CPSF7: variants seen among roughly 807,000 people sequenced by gnomAD.
The protein encoded by CPSF7 is cleavage and polyadenylation specific factor 7, also known as cleavage and polyadenylation specificity factor subunit 7.
Under a neutral mutation model 44.3 loss-of-function variants are expected in CPSF7, and 1 was observed. The ratio of observed to expected loss-of-function variants is 0.02; its 90% confidence interval spans 0.01 to 0.11. The LOEUF (loss-of-function observed/expected upper bound fraction) is 0.11. CPSF7 is among the 10% of genes least tolerant of loss of function. CPSF7 has a pLI of 1.00. For synonymous variants in CPSF7, 202 were observed against 222.0 expected (o/e 0.91, Z 0.80); for missense variants, 443 against 607.2 (o/e 0.73, Z 2.84).
At chr11:61,421,224 C>T (rs757886529) in intron 3 of CPSF7, 166 bp downstream of exon 3, 1 of 1,037,412 alleles carries the variant, frequency 9.6e-7, no homozygotes, top group South Asian at 1.4e-5. Context: ...CCAGTACGTC[C>T]TCAGGATAGT....
At chr11:61,420,838 G>A (rs772184898) in intron 3 of CPSF7, 1 of 533,010 alleles carries the variant, frequency 1.9e-6, no homozygotes, top group East Asian at 3.5e-5. Flanking sequence ...CTGGTCATCA[G>A]TTCAAACATT....
chr11:61,429,284 G>A lies in CPSF7; in HGVS notation c.-49C>T, dbSNP rs1861699661. On this transcript the variant is annotated 5_prime_UTR_variant, in exon 2 of 10. Coordinates refer to ENST00000439958, the MANE Select transcript of CPSF7 (RefSeq NM_001142565.3). The stretch of plus-strand genomic sequence containing the variant: ...TCCGGAGGATGGACAAAGTAAGGAA[G>A]ATGCCACTGCGGGATTCGGAAAAAT... 6.2e-7 allele frequency: 1 copy of A among 1,605,636 alleles called. No individual in the cohort carries two copies.
In CPSF7 at chr11:61,403,626, C is replaced by G. The variant is rs544339250; in HGVS notation, c.*1084G>C. 6.6e-6 allele frequency: 1 copy of G among 152,170 alleles called. No individual in the cohort carries two copies. The highest frequency in any genetic ancestry group is 2.4e-5 in the African/African-American group (1 of 41,428). 9.4% of individuals were successfully genotyped at this position (152,170 alleles called of 1,614,324 possible). A position where few individuals can be genotyped will look rare whatever the true frequency, so the allele number is the denominator to read the frequency against. ...CCAAATTTGTGACTTTACCTGCCTA[C>G]TAGTGCCAGGTTATCCCACAATAAG... is the stretch of plus-strand genomic sequence containing the variant. On this transcript the variant is annotated 3_prime_UTR_variant, in exon 10 of 10. Transcript: ENST00000439958.
chr11:61,406,553 A>C (rs191519533), intron 9 of CPSF7, among the ~76,000 whole-genome samples: 168 of 152,266 alleles, frequency 1.1e-3, no homozygotes, highest in African/African-American at 4.0e-3. Flanking sequence ...TGCAATAACC[A>C]CTATATCAAA....
At chr11:61,411,218 A>C in intron 8 of CPSF7, 113 bp from the exon 9 acceptor site, 7 of 1,041,236 alleles carry the variant, frequency 6.7e-6, no homozygotes, top group Non-Finnish European at 8.1e-6. Flanking sequence ...TTACTCTATC[A>C]TGGGCCTGCT....
intron 2 of CPSF7, among the ~76,000 whole-genome samples, 164 bp from the exon 3 acceptor site, chr11:61,421,772 T>C (rs1395509427): frequency 3.3e-5 from 5 of 152,238 alleles, no homozygotes; most frequent in Non-Finnish European, 7.3e-5. Flanking sequence ...TTTGAAACTG[T>C]ATCACTTAAT....
chr11:61,411,735 G>A lies in CPSF7; in HGVS notation c.1226+34C>T. Reference sequence around the variant, plus strand: ...CCTATCCCTGGAAGAGTGCTGCTTGGGGCTGGTAGGTGAGGACACAATCAC... The same window carrying A: ...CCTATCCCTGGAAGAGTGCTGCTTGAGGCTGGTAGGTGAGGACACAATCAC... On this transcript the variant is annotated intron_variant, in intron 8 of 9. Transcript: ENST00000439958. The A allele has an allele frequency of 2.5e-6, 4 of 1,590,472 alleles. No homozygotes were observed. In the East Asian group the frequency reaches 6.8e-5, roughly 27 times the overall value.
chr11:61,415,995 T>C (rs1225339981), intron 6 of CPSF7, 110 bp downstream of exon 6: 1 of 1,082,384 alleles, frequency 9.2e-7, no homozygotes, highest in African/African-American at 1.6e-5. Context: ...GATAACAGAA[T>C]GTCTATAAGG....
At chr11:61,415,827 T>C in intron 6 of CPSF7, 43 bp from the exon 7 acceptor site, 1 of 1,332,432 alleles carries the variant, frequency 7.5e-7, no homozygotes, top group Non-Finnish European at 1.1e-6. Flanking sequence ...ACATCCCTTA[T>C]TATTTTTACT....
At chr11:61,421,771 G>C (rs1040063705) in intron 2 of CPSF7, among the ~76,000 whole-genome samples, 163 bp from the exon 3 acceptor site, 2 of 152,184 alleles carry the variant, frequency 1.3e-5, no homozygotes, top group Non-Finnish European at 2.9e-5. Flanking sequence ...TTTTGAAACT[G>C]TATCACTTAA....
In CPSF7 at chr11:61,429,225, CCTT is replaced by C; in HGVS notation, c.8_10del (p.Glu3del). The C allele has an allele frequency of 1.2e-6, 2 of 1,613,500 alleles. No individual in the cohort carries two copies. Among genetic ancestry groups the C allele is most frequent in the Non-Finnish European group, 1.7e-6 (2 of 1,179,482 alleles). On this transcript the variant is annotated inframe_deletion, in exon 2 of 10. Coordinates refer to ENST00000439958, the MANE Select transcript of CPSF7 (RefSeq NM_001142565.3). ...AGCATATATATCAATCAAGTCCACT[CCTT>C]CTGACATGGCTCCGGAAGGAAGATC... is the stretch of plus-strand genomic sequence containing the variant.
chr11:61,417,871 G>GGTA (rs377506046), intron 5 of CPSF7, among the ~76,000 whole-genome samples: 3 of 152,306 alleles, frequency 2.0e-5, no homozygotes, highest in African/African-American at 7.2e-5. Context: ...TTTACTTAGT[G>GGTA]AATTAACAGA....
At chr11:61,419,573 C>T (rs1565111857) in intron 5 of CPSF7, among the ~76,000 whole-genome samples, 1 of 152,096 alleles carries the variant, frequency 6.6e-6, no homozygotes, top group Non-Finnish European at 1.5e-5. Flanking sequence ...AAAAATTAAG[C>T]CCATTCACCT....
chr11:61,403,549 C>T lies in CPSF7; in HGVS notation c.*1161G>A, dbSNP rs951880282. 24 of 152,278 alleles carry T rather than the reference C, an allele frequency of 1.6e-4. No individual in the cohort carries two copies. The highest frequency in any genetic ancestry group is 3.2e-4 in the Non-Finnish European group (22 of 68,022). 9.4% of individuals were successfully genotyped at this position (152,278 alleles called of 1,614,324 possible). A position where few individuals can be genotyped will look rare whatever the true frequency, so the allele number is the denominator to read the frequency against. ...TCCTCATCTGAGGCAGGAAGTATCTCCAGGCAGAGTGAGAGGAGCTATTAA... is the reference window on the plus strand; with the variant it reads ...TCCTCATCTGAGGCAGGAAGTATCTTCAGGCAGAGTGAGAGGAGCTATTAA... On this transcript the variant is annotated 3_prime_UTR_variant, in exon 10 of 10. Transcript: ENST00000439958.
intron 7 of CPSF7, among the ~76,000 whole-genome samples, chr11:61,413,965 T>G (rs141317709): frequency 1.4e-3 from 219 of 152,210 alleles, no homozygotes; most frequent in Middle Eastern, 3.4e-3. Flanking sequence ...GTATCTTCAA[T>G]AAGTATTTGT....
intron 2 of CPSF7, among the ~76,000 whole-genome samples, chr11:61,428,662 C>G (rs537536679): frequency 1.3e-5 from 2 of 152,294 alleles, no homozygotes; most frequent in South Asian, 4.1e-4. Context: ...TGCCTGTGGA[C>G]TTCTCATGAC....
intron 7 of CPSF7, among the ~76,000 whole-genome samples, chr11:61,412,848 G>A (rs956548395): frequency 1.3e-5 from 2 of 152,164 alleles, no homozygotes; most frequent in African/African-American, 4.8e-5. Flanking sequence ...ACCATATCCT[G>A]TTTTTGTAAA....
chr11:61,415,556 T>G, intron 7 of CPSF7, 110 bp downstream of exon 7: 1 of 720,142 alleles, frequency 1.4e-6, no homozygotes, highest in Non-Finnish European at 2.5e-6. Flanking sequence ...GCTCTTGATA[T>G]CTACAGTACT....
intron 5 of CPSF7, among the ~76,000 whole-genome samples, chr11:61,418,274 T>A (rs1039175625): frequency 1.3e-5 from 2 of 152,166 alleles, no homozygotes; most frequent in African/African-American, 4.8e-5. Context: ...TGACAGAACA[T>A]CAGTGATGAA....
Sources: allele counts gnomAD v4.1 joint callset (sites outside exome capture counted in the v4.1 genomes callset), GRCh38; gene constraint gnomAD v4.1.1; transcripts MANE v1.5; gene names NCBI Gene and HGNC (gene_info 2026-07-23, HGNC 2026-07-21).